MYO9A: variants seen among roughly 807,000 people sequenced by gnomAD.
MYO9A encodes myosin IXA.
Under a neutral mutation model 293.3 loss-of-function variants are expected in MYO9A, and 103 were observed. The observed-to-expected ratio is 0.35, with a 90% confidence interval of 0.30 to 0.41. The LOEUF (loss-of-function observed/expected upper bound fraction) is 0.41. MYO9A is among the 10% of genes least tolerant of loss of function. MYO9A has a pLI of 1.00. For missense variants in MYO9A, 2,685 were observed against 3,033.0 expected, an observed-to-expected ratio of 0.89 and a Z score of 2.69; for synonymous variants, 1,001 against 1,035.7, an observed-to-expected ratio of 0.97 and a Z score of 0.64.
chr15:71,944,278 T>G (rs1319450764), intron 15 of MYO9A, among the ~76,000 whole-genome samples: 1 of 152,012 alleles, frequency 6.6e-6, no homozygotes, highest in African/African-American at 2.4e-5. Context: ...TAATAAATAC[T>G]GTTTCCCAGG....
chr15:71,932,033 T>A (rs2058488878), intron 18 of MYO9A, among the ~76,000 whole-genome samples: 3 of 152,124 alleles, frequency 2.0e-5, no homozygotes, highest in African/African-American at 7.2e-5. Context: ...GCTGCCTTTG[T>A]TTTTTGTTGT....
chr15:71,915,427 C>CTT (rs796340254), intron 19 of MYO9A, among the ~76,000 whole-genome samples: 1 of 138,052 alleles, frequency 7.2e-6, no homozygotes. Flanking sequence ...TTTTTCATTT[C>CTT]TTTTTTTTTT....
rs1047002019 is a variant in MYO9A, at chr15:71,825,502, A to G, written c.*1078T>C. The G allele has an allele frequency of 6.6e-6, 1 of 152,258 alleles. No homozygotes were observed. Among genetic ancestry groups the G allele is most frequent in the Non-Finnish European group, 1.5e-5 (1 of 68,048 alleles). The allele number at this position is 152,258 out of a possible 1,614,324, so 9.4% of individuals were successfully genotyped here. The stretch of plus-strand genomic sequence containing the variant: ...TTAGTTAGTTAGATAGGTCATATTA[A>G]AAACCTTTTTATTTTTTGGCAGCTT... On this transcript the variant is annotated 3_prime_UTR_variant, in exon 42 of 42. Coordinates refer to ENST00000356056, the MANE Select transcript of MYO9A (RefSeq NM_006901.4).
At chr15:71,850,207 A>G in intron 37 of MYO9A, 40 bp from the exon 38 acceptor site, 1 of 1,610,050 alleles carries the variant, frequency 6.2e-7, no homozygotes, top group East Asian at 2.2e-5. Flanking sequence ...TGAGTAAGGG[A>G]TAAAAAGGGA....
intron 1 of MYO9A, among the ~76,000 whole-genome samples, chr15:72,064,738 T>C (rs1015628459): frequency 1.3e-4 from 20 of 152,200 alleles, no homozygotes; most frequent in African/African-American, 4.3e-4. Flanking sequence ...TGGAAAAATA[T>C]ACTATATCCA....
At position 71,949,163 on chromosome 15, in the gene MYO9A, C is replaced by T. The variant is rs551561625; in HGVS notation, c.2302+2614G>A. 7.9e-5 allele frequency among the ~76,000 whole-genome samples: 12 copies of T among 152,152 alleles called. No homozygotes were observed. The South Asian group carries it at 2.5e-3, about 32-fold the overall frequency. ...TAGGTGTAGTTTTCCTTCGTATTTA[C>T]CCTGCTTTGTGGTCACTGATCTTCC... On this transcript the variant is annotated intron_variant, in intron 15 of 41. Coordinates refer to ENST00000356056, the MANE Select transcript of MYO9A (RefSeq NM_006901.4).
intron 13 of MYO9A, 57 bp from the exon 14 acceptor site, chr15:71,960,153 A>G: frequency 6.9e-7 from 1 of 1,457,062 alleles, no homozygotes; most frequent in Non-Finnish European, 9.6e-7. Flanking sequence ...GAAAAACAAG[A>G]TGACGGGTGA....
chr15:72,033,474 A>T (rs1396229715), intron 2 of MYO9A, among the ~76,000 whole-genome samples: 1 of 152,216 alleles, frequency 6.6e-6, no homozygotes, highest in Admixed American at 6.5e-5. Flanking sequence ...CTTACAATGG[A>T]ATACTGCCCA....
At chr15:71,837,326 GA>G (rs2054983477) in intron 39 of MYO9A, among the ~76,000 whole-genome samples, 2 of 151,868 alleles carry the variant, frequency 1.3e-5, no homozygotes, top group African/African-American at 4.8e-5. Context: ...AATCAACAAG[GA>G]AAAAACATGT....
chr15:71,822,830 G>A lies in MYO9A; in HGVS notation c.*3750C>T, dbSNP rs2054326371. The A allele has an allele frequency of 1.3e-5, 2 of 152,156 alleles. No homozygotes were observed. 9.4% of individuals were successfully genotyped at this position (152,156 alleles called of 1,614,324 possible). On this transcript the variant is annotated 3_prime_UTR_variant, in exon 42 of 42. Transcript: ENST00000356056. ...ATAGTTTCAACCAGGGGACCAACATGAGACCTAATAGATCCATCTCCACAA... is the reference window on the plus strand; with the variant it reads ...ATAGTTTCAACCAGGGGACCAACATAAGACCTAATAGATCCATCTCCACAA...
chr15:71,860,192 T>G (rs78736226), intron 33 of MYO9A, among the ~76,000 whole-genome samples: 4,899 of 152,262 alleles, frequency 0.032, 266 homozygotes, highest in African/African-American at 0.11. Flanking sequence ...GAAATGCCTA[T>G]TAAGAATCAT....
intron 41 of MYO9A, 25 bp from the exon 42 acceptor site, chr15:71,827,068 T>C: frequency 6.6e-7 from 1 of 1,504,576 alleles, no homozygotes; most frequent in Non-Finnish European, 8.9e-7. Flanking sequence ...AGACCAAAGA[T>C]GTAAATGACA....
chr15:71,884,552 G>A (rs951822076), intron 27 of MYO9A, among the ~76,000 whole-genome samples: 1 of 152,114 alleles, frequency 6.6e-6, no homozygotes, highest in Non-Finnish European at 1.5e-5. Flanking sequence ...CTTTCCCAAA[G>A]TTTCACAGTG....
chr15:72,046,539 G>A lies in MYO9A; in HGVS notation c.25C>T (p.Arg9Ter). 4 of 1,602,604 alleles carry A rather than the reference G, an allele frequency of 2.5e-6. No individual in the cohort carries two copies. The highest frequency in any genetic ancestry group is 3.4e-6 in the Non-Finnish European group (4 of 1,173,532). Residue 9 changes from arginine (R) to a stop codon, truncating the protein, a stop_gained, in exon 2 of 42, where the codon CGA becomes TGA. Transcript: ENST00000356056. LOFTEE classifies it high-confidence loss of function. MNINDGGR[R>*]RFEDNEHTLR... ...GTATGTTCATTATCTTCAAAGCGTCGTCTTCCTCCATCATTTATATTCATA... is the reference window on the plus strand; with the variant it reads ...GTATGTTCATTATCTTCAAAGCGTCATCTTCCTCCATCATTTATATTCATA...
In MYO9A at chr15:71,903,057, C is replaced by A. The variant is rs1465305692; in HGVS notation, c.2884G>T (p.Val962Leu). 1 of 1,588,928 alleles carries A rather than the reference C, an allele frequency of 6.3e-7. No individual in the cohort carries two copies. Among genetic ancestry groups the A allele is most frequent in the South Asian group, 1.1e-5 (1 of 87,250 alleles). ...YSSKYSFQDF[V>L]SHFHVLLPRN... ...GGAAGAAGTACATGGAAGTGGCTCA[C>A]AAAATCCTGAAAAATAATTTAAAAA... Residue 962 changes from valine (V) to leucine (L), a missense_variant, in exon 22 of 42, where the codon GTG becomes TTG. Transcript: ENST00000356056.
chr15:71,988,197 C>T (rs1293476102), intron 11 of MYO9A, among the ~76,000 whole-genome samples: 1 of 152,050 alleles, frequency 6.6e-6, no homozygotes, highest in African/African-American at 2.4e-5. Flanking sequence ...AAATGCATTC[C>T]CTCACCCTTC....
intron 11 of MYO9A, among the ~76,000 whole-genome samples, chr15:71,986,156 A>G (rs1009855006): frequency 2.0e-5 from 3 of 152,246 alleles, no homozygotes; most frequent in African/African-American, 7.2e-5. Context: ...ACTTAGAAAC[A>G]GTATAGCAAC....
chr15:71,832,169 A>G (rs1051981808), intron 39 of MYO9A, among the ~76,000 whole-genome samples: 2 of 152,132 alleles, frequency 1.3e-5, no homozygotes, highest in Non-Finnish European at 2.9e-5. Context: ...CCCAGTACTC[A>G]GGATGCTGAG....
intron 32 of MYO9A, among the ~76,000 whole-genome samples, chr15:71,864,293 C>T (rs149625734): frequency 5.3e-5 from 8 of 152,250 alleles, no homozygotes; most frequent in South Asian, 2.1e-4. Flanking sequence ...CTACTTCATA[C>T]CTACCAGAAT....
Sources: gnomAD v4.1 joint callset for allele counts (sites outside exome capture counted in the v4.1 genomes callset) on GRCh38, gnomAD v4.1.1 for gene constraint, MANE v1.5 for transcripts, NCBI Gene and HGNC (gene_info 2026-07-23, HGNC 2026-07-21) for gene names.